MIB1: variants seen among roughly 807,000 people sequenced by gnomAD.
The protein encoded by MIB1 is MIB E3 ubiquitin protein ligase 1, also known as E3 ubiquitin-protein ligase MIB1.
MIB1 carries 278 observed loss-of-function variants against 124.5 expected under a neutral mutation model. That is an observed-to-expected ratio of 2.23 (90% CI 2.02 to 2.47). The LOEUF (loss-of-function observed/expected upper bound fraction) is 2.47, where lower values mean the gene tolerates loss of function less well. Ranked by LOEUF, MIB1 falls within the 30% of genes most tolerant of loss-of-function variation. The pLI, the probability that MIB1 is intolerant of heterozygous loss-of-function variation, is 0.00. For missense variants in MIB1, 957 were observed against 1,254.4 expected (o/e 0.76, Z 3.58); for synonymous variants, 446 against 429.4 (o/e 1.04, Z -0.48).
At chr18:21,740,703 A>T (rs921483559), upstream of MIB1, among the ~76,000 whole-genome samples, 4 of 152,330 alleles carry the variant, frequency 2.6e-5, no homozygotes, top group Admixed American at 1.3e-4. Flanking sequence ...AACTCCAGGG[A>T]TCCGCCCCTG....
intron 1 of MIB1, among the ~76,000 whole-genome samples, chr18:21,728,772 C>T (rs1027449396): frequency 2.6e-5 from 4 of 152,144 alleles, no homozygotes; most frequent in Admixed American, 6.5e-5. Flanking sequence ...AGCATATCCA[C>T]GATCTCAAAC....
At chr18:21,804,584 ATC>A (rs1286545163) in intron 10 of MIB1, among the ~76,000 whole-genome samples, 1 of 152,236 alleles carries the variant, frequency 6.6e-6, no homozygotes, top group African/African-American at 2.4e-5. Flanking sequence ...ATCTCTCTGT[ATC>A]TCTATTGTGA....
intron 10 of MIB1, among the ~76,000 whole-genome samples, chr18:21,807,726 A>C (rs141468639): frequency 8.3e-4 from 126 of 152,290 alleles, no homozygotes; most frequent in Non-Finnish European, 1.4e-3. Flanking sequence ...TCTGGCTTTA[A>C]ATGTCAGTAG....
chr18:21,806,182 G>A (rs1211035320), intron 10 of MIB1, among the ~76,000 whole-genome samples: 1 of 151,344 alleles, frequency 6.6e-6, no homozygotes, highest in East Asian at 1.9e-4. Context: ...GGGATTACTG[G>A]CATGAGCCCC....
At chr18:21,839,130 T>C (rs2042059961) in intron 13 of MIB1, among the ~76,000 whole-genome samples, 1 of 152,220 alleles carries the variant, frequency 6.6e-6, no homozygotes, top group Non-Finnish European at 1.5e-5. Context: ...CAAAGAATTA[T>C]CTGTGATTCC....
intron 10 of MIB1, among the ~76,000 whole-genome samples, chr18:21,805,069 A>G (rs746444913): frequency 1.4e-4 from 21 of 152,108 alleles, no homozygotes; most frequent in Admixed American, 2.6e-4. Flanking sequence ...CTGAAGTGCA[A>G]TGGCGTGTTC....
chr18:21,792,614 A>G (rs937512151), intron 7 of MIB1, among the ~76,000 whole-genome samples: 4 of 152,234 alleles, frequency 2.6e-5, no homozygotes, highest in African/African-American at 4.8e-5. Flanking sequence ...TGTGAACAAA[A>G]CAAAAAAATA....
At chr18:21,781,202 C>T (rs1013610591) in intron 6 of MIB1, among the ~76,000 whole-genome samples, 4 of 150,748 alleles carry the variant, frequency 2.7e-5, no homozygotes, top group East Asian at 2.0e-4. Flanking sequence ...TGAGCCACCT[C>T]GACTGGCCAG....
chr18:21,739,686 G>C (rs920156737), upstream of MIB1, among the ~76,000 whole-genome samples: 1 of 151,992 alleles, frequency 6.6e-6, no homozygotes, highest in Middle Eastern at 3.4e-3. Flanking sequence ...AGACCAGTCC[G>C]GCCAGGGAAA....
At chr18:21,731,007 C>CT (rs1598582203) in intron 1 of MIB1, among the ~76,000 whole-genome samples, 1 of 152,268 alleles carries the variant, frequency 6.6e-6, no homozygotes, top group East Asian at 1.9e-4. Context: ...TTGGAGTTCT[C>CT]TTTTTTACTT....
At chr18:21,811,869 A>C (rs556588119) in intron 10 of MIB1, among the ~76,000 whole-genome samples, 1 of 152,152 alleles carries the variant, frequency 6.6e-6, no homozygotes, top group African/African-American at 2.4e-5. Context: ...AATGGTGAAG[A>C]TGGTAAACTT....
In MIB1 at chr18:21,838,436, C is replaced by T. The variant is rs1386203724; in HGVS notation, c.1901C>T (p.Thr634Ile). 1 of 1,610,858 alleles carries T rather than the reference C, an allele frequency of 6.2e-7. No individual in the cohort carries two copies. The highest frequency in any genetic ancestry group is 8.5e-7 in the Non-Finnish European group (1 of 1,177,790). ...IVDEKKDDGYTALHLAALNNH... is the reference protein window; with the variant it reads ...IVDEKKDDGYIALHLAALNNH... ...GATGAGAAGAAAGATGATGGTTATACTGCCTTACATCTGGCTGCCCTTAAT... is the reference window on the plus strand; with the variant it reads ...GATGAGAAGAAAGATGATGGTTATATTGCCTTACATCTGGCTGCCCTTAAT... Residue 634 changes from threonine (T) to isoleucine (I), a missense_variant, in exon 13 of 21, where the codon ACT becomes ATT. Transcript: ENST00000261537.
chr18:21,815,873 A>T, intron 11 of MIB1, 60 bp downstream of exon 11: 1 of 1,426,876 alleles, frequency 7.0e-7, no homozygotes, highest in Non-Finnish European at 9.8e-7. Flanking sequence ...AAAGGGAAAC[A>T]TTAAGTTCTA....
At chr18:21,773,170 G>A (rs1488208736) in intron 3 of MIB1, among the ~76,000 whole-genome samples, 1 of 152,100 alleles carries the variant, frequency 6.6e-6, no homozygotes, top group Non-Finnish European at 1.5e-5. Flanking sequence ...GGAGGCTGAG[G>A]CAGGAGAAGC....
intron 12 of MIB1, among the ~76,000 whole-genome samples, chr18:21,837,586 TC>T (rs1290305957): frequency 1.2e-4 from 18 of 152,314 alleles, no homozygotes; most frequent in African/African-American, 3.8e-4. Flanking sequence ...TCTTCAATCC[TC>T]CACAACCCAT....
chr18:21,716,627 G>A (rs189675284), intron 1 of MIB1, among the ~76,000 whole-genome samples: 75 of 152,272 alleles, frequency 4.9e-4, no homozygotes, highest in Admixed American at 3.3e-4. Flanking sequence ...TGAGGTGGGC[G>A]GATCACGAGG....
intron 1 of MIB1, among the ~76,000 whole-genome samples, chr18:21,735,685 C>A (rs534499623): frequency 1.1e-4 from 16 of 152,214 alleles, no homozygotes; most frequent in African/African-American, 3.6e-4. Flanking sequence ...CAAGCTTGGT[C>A]GGGGGGAGGG....
chr18:21,839,928 C>G (rs577770323), intron 13 of MIB1, among the ~76,000 whole-genome samples: 1 of 152,032 alleles, frequency 6.6e-6, no homozygotes, highest in East Asian at 1.9e-4. Context: ...GGTAGCACAC[C>G]CCTGTAATGC....
upstream of MIB1, among the ~76,000 whole-genome samples, chr18:21,739,968 A>G (rs1415441956): frequency 6.6e-6 from 1 of 151,846 alleles, no homozygotes; most frequent in African/African-American, 2.4e-5. Context: ...AAAAAATTTT[A>G]TTTCAGTACA....
Sources: gnomAD v4.1 joint callset for allele counts (sites outside exome capture counted in the v4.1 genomes callset) on GRCh38, gnomAD v4.1.1 for gene constraint, MANE v1.5 for transcripts, NCBI Gene and HGNC (gene_info 2026-07-23, HGNC 2026-07-21) for gene names.